The following CASD1 variants were observed in gnomAD, a reference collection of about 807,000 sequenced individuals.
CASD1 encodes the protein CAS1 domain sialic acid O acetyltransferase 1.
A neutral mutation model predicts 100.0 loss-of-function variants in CASD1; 41 were observed. That is an observed-to-expected ratio of 0.41 (90% CI 0.32 to 0.53). The LOEUF is 0.53. CASD1 is among the 20% of genes least tolerant of loss of function. The probability of loss-of-function intolerance (pLI) is 0.25; values close to 1 mark genes in which losing one functional copy is unlikely to be tolerated. For missense variants in CASD1, 774 were observed against 948.7 expected, an observed-to-expected ratio of 0.82 and a Z score of 2.42; for synonymous variants, 321 against 315.6, an observed-to-expected ratio of 1.02 and a Z score of -0.18.
At chr7:94,615,247 T>A in the CASD1 span, among the ~76,000 whole-genome samples, 65 of 152,158 alleles carry the variant, frequency 4.3e-4, no homozygotes, top group African/African-American at 1.3e-3. Context: ...TAATCTCAGC[T>A]AATCAGGAGG....
the CASD1 span, among the ~76,000 whole-genome samples, chr7:94,604,806 AATATATATATATATAT>A: frequency 0.011 from 495 of 44,318 alleles, 5 homozygotes; most frequent in East Asian, 0.026. Flanking sequence ...ATGGTGCTGG[AATATATATATATATAT>A]ATATATATAT....
At chr7:94,611,993 G>A in the CASD1 span, among the ~76,000 whole-genome samples, 3 of 152,090 alleles carry the variant, frequency 2.0e-5, no homozygotes, top group African/African-American at 7.2e-5. Context: ...AAACATATTC[G>A]ATTTAAAACA....
chr7:94,524,847 T>G (rs1451781506), intron 3 of CASD1, among the ~76,000 whole-genome samples: 1 of 152,088 alleles, frequency 6.6e-6, no homozygotes, highest in Non-Finnish European at 1.5e-5. Flanking sequence ...TATACGAGAT[T>G]AAGAGATGTG....
At chr7:94,600,508 A>C in the CASD1 span, 2 of 657,878 alleles carry the variant, frequency 3.0e-6, no homozygotes, top group Non-Finnish European at 5.4e-6. Context: ...AAAGGAATAA[A>C]GTATTGCAGT....
At chr7:94,571,429 C>A in the CASD1 span, among the ~76,000 whole-genome samples, 1 of 152,236 alleles carries the variant, frequency 6.6e-6, no homozygotes, top group Non-Finnish European at 1.5e-5. Context: ...CCCACCCCTG[C>A]AGGATGTAAT....
chr7:94,628,143 C>T, the CASD1 span: 2 of 1,291,020 alleles, frequency 1.5e-6, no homozygotes, highest in African/African-American at 1.5e-5. Flanking sequence ...ACAATACACA[C>T]ACACACACAC....
chr7:94,632,907 A>G, the CASD1 span, among the ~76,000 whole-genome samples: 9 of 152,132 alleles, frequency 5.9e-5, no homozygotes, highest in Non-Finnish European at 1.3e-4. Flanking sequence ...AGAGGCTATT[A>G]CTAACAGTTA....
At chr7:94,572,204 G>A in the CASD1 span, among the ~76,000 whole-genome samples, 1 of 152,114 alleles carries the variant, frequency 6.6e-6, no homozygotes, top group South Asian at 2.1e-4. Context: ...AAATGTGAAT[G>A]AGATTACAGA....
Position 94,537,602 on chromosome 7 carries a change from T to C in CASD1, c.974T>C (p.Ile325Thr), listed in dbSNP as rs1340822193. Residue 325 changes from isoleucine to threonine, a missense_variant, in exon 9 of 18, where the codon ATC becomes ACC. Coordinates refer to ENST00000297273, the MANE Select transcript of CASD1 (RefSeq NM_022900.5). Reference protein sequence around the residue: ...LAACFFTLSIIGYLIFYIIHR... With the variant: ...LAACFFTLSITGYLIFYIIHR... ...GCTTGTTTTTTCACTTTATCTATTA[T>C]CGGATATTTAATTTTTTACATAATT... 3 of 1,613,890 alleles carry C rather than the reference T, an allele frequency of 1.9e-6. No homozygotes were observed. The highest frequency in any genetic ancestry group is 2.2e-5 in the East Asian group (1 of 44,848).
chr7:94,591,923 G>A, the CASD1 span, among the ~76,000 whole-genome samples: 1 of 152,150 alleles, frequency 6.6e-6, no homozygotes, highest in Non-Finnish European at 1.5e-5. Context: ...GTTCTAAGTG[G>A]TTGTGTTTGA....
At chr7:94,623,117 T>C in the CASD1 span, among the ~76,000 whole-genome samples, 7 of 152,148 alleles carry the variant, frequency 4.6e-5, no homozygotes, top group East Asian at 1.3e-3. Context: ...TCTGTTTGGC[T>C]TCCTATCTGA....
chr7:94,567,652 C>G, the CASD1 span, among the ~76,000 whole-genome samples: 4 of 152,294 alleles, frequency 2.6e-5, no homozygotes, highest in East Asian at 7.7e-4. Flanking sequence ...GGAATGTCTA[C>G]TGTTGCCAGC....
the CASD1 span, among the ~76,000 whole-genome samples, chr7:94,571,690 G>A: frequency 6.6e-6 from 1 of 152,102 alleles, no homozygotes; most frequent in South Asian, 2.1e-4. Flanking sequence ...TTGAAGATAT[G>A]CCTGGTTTGC....
At chr7:94,548,446 A>G (rs1795784505) in intron 13 of CASD1, among the ~76,000 whole-genome samples, 1 of 151,626 alleles carries the variant, frequency 6.6e-6, no homozygotes, top group African/African-American at 2.4e-5. Context: ...ATATATATAC[A>G]TATATATACA....
chr7:94,515,222 C>A (rs918236700), intron 1 of CASD1, among the ~76,000 whole-genome samples: 2 of 152,036 alleles, frequency 1.3e-5, no homozygotes, highest in African/African-American at 4.8e-5. Context: ...TGATATGATA[C>A]AGACACACAT....
At chr7:94,513,187 G>A (rs1275925018) in intron 1 of CASD1, among the ~76,000 whole-genome samples, 7 of 151,680 alleles carry the variant, frequency 4.6e-5, no homozygotes, top group African/African-American at 9.7e-5. Context: ...TTAGCTGGGC[G>A]TGGTGGCGGG....
chr7:94,602,363 A>G, the CASD1 span, among the ~76,000 whole-genome samples: 1 of 152,172 alleles, frequency 6.6e-6, no homozygotes, highest in African/African-American at 2.4e-5. Flanking sequence ...AAAGGCCACA[A>G]GGAGTGCTAA....
chr7:94,625,970 T>C, the CASD1 span: 10 of 152,230 alleles, frequency 6.6e-5, no homozygotes, highest in East Asian at 1.9e-3. Flanking sequence ...AGATATTCAG[T>C]ACTGCTTTCC....
downstream of CASD1, among the ~76,000 whole-genome samples, chr7:94,559,308 G>GTGTGTGTGTGTGTGTGTA (rs1554417425): frequency 4.8e-4 from 59 of 123,758 alleles, no homozygotes; most frequent in East Asian, 2.0e-3. Flanking sequence ...GTGTGTGTAT[G>GTGTGTGTGTGTGTGTGTA]TGTGTGTGTG....
Sources: allele counts gnomAD v4.1 joint callset (sites outside exome capture counted in the v4.1 genomes callset), GRCh38; gene constraint gnomAD v4.1.1; transcripts MANE v1.5; gene names NCBI Gene and HGNC (gene_info 2026-07-23, HGNC 2026-07-21).